Variants in PLXNA2 observed in about 807,000 individuals in gnomAD.
The protein encoded by PLXNA2 is plexin A2.
A neutral mutation model predicts 193.5 loss-of-function variants in PLXNA2; 91 were observed. That is an observed-to-expected ratio of 0.47 (90% CI 0.40 to 0.56). The LOEUF (loss-of-function observed/expected upper bound fraction) is 0.56, where lower values mean the gene tolerates loss of function less well. Ranked by LOEUF, PLXNA2 falls within the 20% of genes least tolerant of loss-of-function variation. The probability of loss-of-function intolerance (pLI) is 0.00; values close to 1 mark genes in which losing one functional copy is unlikely to be tolerated. For missense variants in PLXNA2, 1,995 were observed against 2,503.2 expected, an observed-to-expected ratio of 0.80 and a Z score of 4.33; for synonymous variants, 997 against 1,027.3, an observed-to-expected ratio of 0.97 and a Z score of 0.56.
chr1:208,027,785 TA>T lies in PLXNA2; in HGVS notation c.5589+223del, dbSNP rs148991305. ...TACTTTGAACTGAAAAACAAATGAT[TA>T]AAAGTGTTATTTATTGTGTTAACAA... On this transcript the variant is annotated intron_variant, in intron 31 of 31. Transcript: ENST00000367033. 2.8e-3 allele frequency among the ~76,000 whole-genome samples: 431 copies of T among 152,326 alleles called. 17 individuals are homozygous for T. In the East Asian group the frequency reaches 0.07, roughly 25 times the overall value.
chr1:208,076,193 G>A (rs1211886638), intron 12 of PLXNA2, among the ~76,000 whole-genome samples: 3 of 151,744 alleles, frequency 2.0e-5, no homozygotes, highest in South Asian at 2.1e-4. Context: ...CCAGTCTCCC[G>A]AGTAGCTAGC....
rs1009319251 is a variant in PLXNA2 at position 208,026,731 on chromosome 1, C to T, written c.*512G>A. On this transcript the variant is annotated 3_prime_UTR_variant, in exon 32 of 32. Transcript: ENST00000367033. ...ATGTCTCTCAGCATCTCTGCTTTCT[C>T]TGGCATTTGGAAATAGGCATTATAT... The T allele has an allele frequency of 2.7e-5, 4 of 149,966 alleles. No individual in the cohort carries two copies. Among genetic ancestry groups the T allele is most frequent in the Non-Finnish European group, 5.9e-5 (4 of 67,794 alleles). The allele number at this position is 149,966 out of a possible 1,614,324, so 9.3% of individuals were successfully genotyped here. A position where few individuals can be genotyped will look rare whatever the true frequency, so the allele number is the denominator to read the frequency against.
intron 3 of PLXNA2, among the ~76,000 whole-genome samples, chr1:208,185,721 A>AAAAAAAAAAAAAAAAAAAAG (rs1669977326): frequency 3.2e-5 from 4 of 124,520 alleles, no homozygotes; most frequent in African/African-American, 1.2e-4. Flanking sequence ...AAAAAAAAGG[A>AAAAAAAAAAAAAAAAAAAAG]AAAAAAAAAA....
At chr1:208,163,500 T>C (rs962366077) in intron 3 of PLXNA2, among the ~76,000 whole-genome samples, 1 of 152,130 alleles carries the variant, frequency 6.6e-6, no homozygotes, top group African/African-American at 2.4e-5. Flanking sequence ...AGAGCTCACC[T>C]TTGCCTGGGA....
At position 208,186,265 on chromosome 1, in the gene PLXNA2, A is replaced by T. The variant is rs1048344386; in HGVS notation, c.1371+24015T>A. On this transcript the variant is annotated intron_variant, in intron 3 of 31. Transcript: ENST00000367033. ...TTTGAGGTATTCAGATCCTAGCCAC[A>T]TGTTGACACCATATTTAATCCTGAA... Among the ~76,000 whole-genome samples the T allele has an allele frequency of 2.0e-5, 3 of 152,152 alleles. No individual in the cohort carries two copies. The South Asian group carries it at 6.2e-4, about 32-fold the overall frequency.
chr1:208,027,934 C>T, intron 31 of PLXNA2, 75 bp downstream of exon 31: 1 of 1,351,294 alleles, frequency 7.4e-7, no homozygotes, highest in Non-Finnish European at 9.9e-7. Flanking sequence ...TCTAAATTGC[C>T]ATCTATTTAA....
At chr1:208,180,033 C>G (rs1034689696) in intron 3 of PLXNA2, among the ~76,000 whole-genome samples, 1 of 152,210 alleles carries the variant, frequency 6.6e-6, no homozygotes, top group Non-Finnish European at 1.5e-5. Flanking sequence ...GCCCCGCCCC[C>G]ACCCTGGGGC....
In PLXNA2 at chr1:208,118,169, G is replaced by A. The variant is rs1473606907; in HGVS notation, c.1507-14922C>T. Among the ~76,000 whole-genome samples, 9 of 152,140 alleles carry A rather than the reference G, an allele frequency of 5.9e-5. No homozygotes were observed. The East Asian group carries it at 1.2e-3, about 20-fold the overall frequency. ...CACAAGAAGTGAGAGCTTCAGCACC[G>A]CATTGTTCACTATCAGGCTTATTGC... is the stretch of plus-strand genomic sequence containing the variant. On this transcript the variant is annotated intron_variant, in intron 4 of 31. Coordinates refer to ENST00000367033, the MANE Select transcript of PLXNA2 (RefSeq NM_025179.4).
intron 4 of PLXNA2, among the ~76,000 whole-genome samples, chr1:208,117,609 G>T (rs938102918): frequency 6.6e-6 from 1 of 152,228 alleles, no homozygotes; most frequent in Admixed American, 6.5e-5. Flanking sequence ...GACAGCTGCA[G>T]CCATGGAATG....
chr1:208,138,583 C>T (rs1193360308), intron 4 of PLXNA2, among the ~76,000 whole-genome samples: 2 of 152,232 alleles, frequency 1.3e-5, no homozygotes, highest in Non-Finnish European at 2.9e-5. Flanking sequence ...TCATAAATCT[C>T]TCCTTAAGAA....
intron 4 of PLXNA2, among the ~76,000 whole-genome samples, chr1:208,134,596 G>A (rs1273299728): frequency 6.6e-6 from 1 of 152,080 alleles, no homozygotes; most frequent in African/African-American, 2.4e-5. Flanking sequence ...TCTCCCCAAA[G>A]TCCCTCAGGC....
intron 12 of PLXNA2, among the ~76,000 whole-genome samples, chr1:208,066,909 AT>A (rs1387940866): frequency 6.6e-6 from 1 of 152,226 alleles, no homozygotes; most frequent in Non-Finnish European, 1.5e-5. Context: ...AAAAAAGTGA[AT>A]TTCAAAAATA....
At position 208,168,723 on chromosome 1, in the gene PLXNA2, G is replaced by GTTTTTTTTTTTTTTTTT. The variant is rs751893998; in HGVS notation, c.1372-26261_1372-26260insAAAAAAAAAAAAAAAAA. ...CAAAAAGAAGACAAAGAGTATGCGG[G>GTTTTTTTTTTTTTTTTT]GTTTTTTTTTTTTTTTTTTTTTTTT... On this transcript the variant is annotated intron_variant, in intron 3 of 31. Transcript: ENST00000367033. Among the ~76,000 whole-genome samples, 526 of 102,196 alleles carry GTTTTTTTTTTTTTTTTT rather than the reference G, an allele frequency of 5.1e-3. 106 individuals are homozygous for GTTTTTTTTTTTTTTTTT. The highest frequency in any genetic ancestry group is 0.017 in the East Asian group (42 of 2,476). The allele number at this position is 102,196 out of a possible 152,430, so 67.0% of individuals were successfully genotyped here. A position where few individuals can be genotyped will look rare whatever the true frequency, so the allele number is the denominator to read the frequency against.
At chr1:208,078,162 A>G (rs1666220532) in intron 12 of PLXNA2, among the ~76,000 whole-genome samples, 1 of 152,204 alleles carries the variant, frequency 6.6e-6, no homozygotes. Context: ...TCATCTGTAC[A>G]GTGGGGGTGA....
At chr1:208,074,328 T>C (rs1301005844) in intron 12 of PLXNA2, among the ~76,000 whole-genome samples, 1 of 152,058 alleles carries the variant, frequency 6.6e-6, no homozygotes, top group Non-Finnish European at 1.5e-5. Context: ...CCTCTGCACG[T>C]CTCCTGTTCC....
chr1:208,042,889 G>A (rs1273564006), intron 21 of PLXNA2, among the ~76,000 whole-genome samples, 172 bp downstream of exon 21: 1 of 152,222 alleles, frequency 6.6e-6, no homozygotes, highest in African/African-American at 2.4e-5. Context: ...GAGCCTGGGT[G>A]CCCCCTCAGC....
At chr1:208,062,632 C>G (rs1270346994) in intron 12 of PLXNA2, among the ~76,000 whole-genome samples, 2 of 152,122 alleles carry the variant, frequency 1.3e-5, no homozygotes, top group African/African-American at 4.8e-5. Flanking sequence ...CTCTGACTCC[C>G]TTGTCTGAAA....
At chr1:208,234,784 A>G (rs1285989874) in intron 1 of PLXNA2, among the ~76,000 whole-genome samples, 4 of 152,188 alleles carry the variant, frequency 2.6e-5, no homozygotes, top group East Asian at 1.9e-4. Context: ...GAGACTGGAA[A>G]GAAAAGGTAG....
chr1:208,212,865 T>C (rs1432506657), intron 2 of PLXNA2, among the ~76,000 whole-genome samples: 1 of 152,244 alleles, frequency 6.6e-6, no homozygotes, highest in Admixed American at 6.5e-5. Flanking sequence ...ATTTTAGGCC[T>C]TTCTCTACTG....
Sources: allele counts gnomAD v4.1 joint callset (sites outside exome capture counted in the v4.1 genomes callset), GRCh38; gene constraint gnomAD v4.1.1; transcripts MANE v1.5; gene names NCBI Gene and HGNC (gene_info 2026-07-23, HGNC 2026-07-21).